COL23A1: variants seen among roughly 807,000 people sequenced by gnomAD.
COL23A1 encodes the protein collagen type XXIII alpha 1 chain.
In COL23A1, 97 loss-of-function variants were observed where a neutral mutation model predicts 99.3. The ratio of observed to expected loss-of-function variants is 0.98; its 90% confidence interval spans 0.83 to 1.16. The LOEUF (loss-of-function observed/expected upper bound fraction) is 1.16, where lower values mean the gene tolerates loss of function less well. Ranked by LOEUF, COL23A1 falls within the 50% of genes most tolerant of loss-of-function variation. COL23A1 has a pLI of 0.00. For synonymous variants in COL23A1, 320 were observed against 308.2 expected (o/e 1.04, Z -0.40); for missense variants, 762 against 757.4 (o/e 1.01, Z -0.07).
At chr5:178,473,342 T>G (rs984071442) in intron 2 of COL23A1, among the ~76,000 whole-genome samples, 2 of 151,764 alleles carry the variant, frequency 1.3e-5, no homozygotes, top group Non-Finnish European at 2.9e-5. Context: ...TCACCCAGGC[T>G]GGAGTGCAGT....
At chr5:178,354,104 CT>C (rs1456755677) in intron 2 of COL23A1, among the ~76,000 whole-genome samples, 1 of 151,962 alleles carries the variant, frequency 6.6e-6, no homozygotes, top group Non-Finnish European at 1.5e-5. Flanking sequence ...GTGGTTGGGA[CT>C]TTTCCCACTG....
intron 2 of COL23A1, among the ~76,000 whole-genome samples, chr5:178,355,892 C>CAAGT (rs74392108): frequency 0.097 from 14,773 of 152,200 alleles, 867 homozygotes; most frequent in East Asian, 0.22. Context: ...AGCTAGTGAA[C>CAAGT]ATGTTCACCA....
Position 178,451,862 on chromosome 5 carries a change from A to G in COL23A1, c.361+108820T>C, listed in dbSNP as rs1448883811. ...AAAGTTTCAATCTCCTAAGAGATGA[A>G]AAGTAAGATTTGAAACAGTGGAGAT... On this transcript the variant is annotated intron_variant, in intron 2 of 28. Transcript: ENST00000390654. Among the ~76,000 whole-genome samples the G allele has an allele frequency of 2.0e-5, 3 of 152,190 alleles. No individual in the cohort carries two copies. The East Asian group carries it at 5.8e-4, about 29-fold the overall frequency.
intron 2 of COL23A1, among the ~76,000 whole-genome samples, chr5:178,350,138 C>A (rs947274150): frequency 6.6e-6 from 1 of 152,218 alleles, no homozygotes; most frequent in African/African-American, 2.4e-5. Flanking sequence ...TTACACTGAG[C>A]ACTTTCCCAC....
intron 5 of COL23A1, among the ~76,000 whole-genome samples, chr5:178,283,236 C>T (rs1181065465): frequency 6.6e-6 from 1 of 152,092 alleles, no homozygotes; most frequent in African/African-American, 2.4e-5. Flanking sequence ...CCCCAGCCCT[C>T]GCCTCTGTCT....
intron 7 of COL23A1, 119 bp downstream of exon 7, chr5:178,268,611 C>T: frequency 1.1e-6 from 1 of 930,728 alleles, no homozygotes. Flanking sequence ...GATGGGGAAA[C>T]TGAGGCTCTA....
chr5:178,522,612 G>A (rs140947465), intron 2 of COL23A1, among the ~76,000 whole-genome samples: 1 of 152,292 alleles, frequency 6.6e-6, no homozygotes, highest in East Asian at 1.9e-4. Flanking sequence ...GAGAAAGAAT[G>A]TACCCAAGGG....
chr5:178,288,657 G>A, intron 4 of COL23A1: 6 of 520,840 alleles, frequency 1.2e-5, no homozygotes, highest in African/African-American at 1.9e-5. Context: ...GTGGGGTTCT[G>A]GAGGGTGCAG....
At chr5:178,287,126 G>T (rs920702915) in intron 5 of COL23A1, among the ~76,000 whole-genome samples, 1 of 152,246 alleles carries the variant, frequency 6.6e-6, no homozygotes, top group Non-Finnish European at 1.5e-5. Flanking sequence ...GGAGACGGGA[G>T]CCTGACCCTT....
At chr5:178,468,000 C>T (rs1052216618) in intron 2 of COL23A1, among the ~76,000 whole-genome samples, 3 of 152,188 alleles carry the variant, frequency 2.0e-5, no homozygotes, top group Non-Finnish European at 4.4e-5. Context: ...AACTGGAAGG[C>T]GGCGATGCTC....
Position 178,416,433 on chromosome 5 carries a change from C to T in COL23A1, c.362-109514G>A, listed in dbSNP as rs528395418. ...GATCAGCTTGGCCTTGGGGAAAACC[C>T]CGAGGGAGGCAGTGCTGCTGGTCTG... On this transcript the variant is annotated intron_variant, in intron 2 of 28. Coordinates refer to ENST00000390654, the MANE Select transcript of COL23A1 (RefSeq NM_173465.4). 7.0e-4 allele frequency among the ~76,000 whole-genome samples: 106 copies of T among 152,154 alleles called. 1 individual carries two copies. The highest frequency in any genetic ancestry group is 1.3e-3 in the Non-Finnish European group (88 of 68,040).
intron 16 of COL23A1, among the ~76,000 whole-genome samples, chr5:178,253,628 G>A (rs549539461): frequency 1.4e-4 from 21 of 151,792 alleles, no homozygotes; most frequent in Admixed American, 7.2e-4. Flanking sequence ...GACTACAGGC[G>A]CGCACCACCA....
chr5:178,293,123 T>C (rs988978094), intron 3 of COL23A1, among the ~76,000 whole-genome samples: 2 of 151,928 alleles, frequency 1.3e-5, no homozygotes, highest in African/African-American at 4.8e-5. Context: ...AAATGAACAG[T>C]TGCTTTGTGG....
intron 2 of COL23A1, among the ~76,000 whole-genome samples, chr5:178,327,884 C>T (rs961193893): frequency 5.3e-5 from 8 of 152,194 alleles, no homozygotes; most frequent in Non-Finnish European, 1.0e-4. Flanking sequence ...AGACAAGCTG[C>T]TCTCCCTGTG....
chr5:178,553,757 C>A (rs575639611), intron 2 of COL23A1, among the ~76,000 whole-genome samples: 1 of 152,288 alleles, frequency 6.6e-6, no homozygotes, highest in East Asian at 1.9e-4. Context: ...CCAGCATCGC[C>A]AGCATCTTCA....
At chr5:178,249,708 ACACACACACTCTCTCT>A (rs1764912180) in intron 18 of COL23A1, among the ~76,000 whole-genome samples, 1 of 100,736 alleles carries the variant, frequency 9.9e-6, no homozygotes. Flanking sequence ...ACACACACAC[ACACACACACTCTCTCT>A]CTCTCTCTCT....
At chr5:178,543,099 A>G (rs957047570) in intron 2 of COL23A1, among the ~76,000 whole-genome samples, 3 of 150,798 alleles carry the variant, frequency 2.0e-5, no homozygotes, top group Non-Finnish European at 2.9e-5. Context: ...TTTTGAGAGC[A>G]TAATTGGCTT....
chr5:178,281,303 C>T lies in COL23A1; in HGVS notation c.441+7021G>A, dbSNP rs965302216. On this transcript the variant is annotated intron_variant, in intron 5 of 28. Coordinates refer to ENST00000390654, the MANE Select transcript of COL23A1 (RefSeq NM_173465.4). The surrounding 1 kb of genome is among the most constrained non-coding windows in gnomAD (Gnocchi z 4.0). Reference sequence around the variant, plus strand: ...ACAAGAGTGCAAGAGAGCGTGTGAACGTGCGGTGCTCCATGGGCCTTTCTT... The same window carrying T: ...ACAAGAGTGCAAGAGAGCGTGTGAATGTGCGGTGCTCCATGGGCCTTTCTT... Among the ~76,000 whole-genome samples the T allele has an allele frequency of 1.3e-5, 2 of 151,816 alleles. No individual in the cohort carries two copies. The highest frequency in any genetic ancestry group is 4.8e-5 in the African/African-American group (2 of 41,336).
chr5:178,262,888 C>T (rs1367507627), intron 9 of COL23A1, among the ~76,000 whole-genome samples: 1 of 151,896 alleles, frequency 6.6e-6, no homozygotes, highest in Non-Finnish European at 1.5e-5. Context: ...GGGGCGTAGA[C>T]CAGGATTTGG....
Sources: allele counts gnomAD v4.1 joint callset (sites outside exome capture counted in the v4.1 genomes callset), GRCh38; gene constraint gnomAD v4.1.1; non-coding constraint Gnocchi (gnomAD v3.1); transcripts MANE v1.5; gene names NCBI Gene and HGNC (gene_info 2026-07-23, HGNC 2026-07-21).